BNC2: variants seen among roughly 807,000 people sequenced by gnomAD.
BNC2 encodes zinc finger protein basonuclin-2.
Under a neutral mutation model 76.3 loss-of-function variants are expected in BNC2, and 20 were observed. The ratio of observed to expected loss-of-function variants is 0.26; its 90% CI spans 0.18 to 0.38. BNC2 has a LOEUF of 0.38. BNC2 is among the 10% of genes least tolerant of loss of function. BNC2 has a pLI of 1.00. For missense variants in BNC2, 1,382 were observed against 1,399.8 expected (o/e 0.99, Z 0.20); for synonymous variants, 582 against 514.8 (o/e 1.13, Z -1.77).
chr9:16,605,742 T>C (rs1820364785), intron 3 of BNC2, among the ~76,000 whole-genome samples: 1 of 151,016 alleles, frequency 6.6e-6, no homozygotes, highest in Non-Finnish European at 1.5e-5. Flanking sequence ...GTCTGTGATA[T>C]AATTAGTGAT....
At position 16,417,510 on chromosome 9, in the gene BNC2, A is replaced by G. The variant is rs1230482042; in HGVS notation, c.*1479T>C. 1 of 152,108 alleles carries G rather than the reference A, an allele frequency of 6.6e-6. No homozygotes were observed. The highest frequency in any genetic ancestry group is 2.4e-5 in the African/African-American group (1 of 41,436). The allele number at this position is 152,108 out of a possible 1,614,324, so 9.4% of individuals were successfully genotyped here. Reference sequence around the variant, plus strand: ...GAGTGTTGCTCCATTCAAGTTTAGCACATGTTTTCAAAGCTTCCAAGTACT... The same window carrying G: ...GAGTGTTGCTCCATTCAAGTTTAGCGCATGTTTTCAAAGCTTCCAAGTACT... On this transcript the variant is annotated 3_prime_UTR_variant, in exon 7 of 7. Transcript: ENST00000380672.
intron 2 of BNC2, among the ~76,000 whole-genome samples, chr9:16,735,487 T>C (rs1329511939): frequency 2.0e-5 from 3 of 152,038 alleles, no homozygotes; most frequent in Admixed American, 6.6e-5. Context: ...AAGGTAATGT[T>C]AATTTCTTTG....
At chr9:16,441,831 G>A (rs1424082840) in intron 5 of BNC2, among the ~76,000 whole-genome samples, 1 of 152,100 alleles carries the variant, frequency 6.6e-6, no homozygotes, top group Non-Finnish European at 1.5e-5. Context: ...AGTATAAATT[G>A]TCAAATAAAC....
intron 5 of BNC2, among the ~76,000 whole-genome samples, chr9:16,507,783 A>T (rs544507754): frequency 6.6e-6 from 1 of 152,154 alleles, no homozygotes; most frequent in South Asian, 2.1e-4. Flanking sequence ...GGTCCATAAT[A>T]AACACTTAGT....
chr9:16,830,973 A>T (rs1270354391), intron 1 of BNC2, among the ~76,000 whole-genome samples: 3 of 152,240 alleles, frequency 2.0e-5, no homozygotes, highest in Admixed American at 1.3e-4. Context: ...TGGCTGAATG[A>T]AGCCAGTAAC....
intron 3 of BNC2, among the ~76,000 whole-genome samples, chr9:16,683,445 G>C (rs1412769533): frequency 2.0e-5 from 3 of 152,188 alleles, no homozygotes; most frequent in African/African-American, 4.8e-5. Context: ...AGAATCAAGA[G>C]GCCAAACAGC....
At position 16,646,144 on chromosome 9, in the gene BNC2, G is replaced by T. The variant is rs562691976; in HGVS notation, c.331-63059C>A. ...TTAAGATGTTCTAAACCATCTCAGT[G>T]AACTGGAGGTCACCATTCCTTCTGA... On this transcript the variant is annotated intron_variant, in intron 3 of 6. Transcript: ENST00000380672. Among the ~76,000 whole-genome samples, 8 of 152,296 alleles carry T rather than the reference G, an allele frequency of 5.3e-5. No individual in the cohort carries two copies. The South Asian group carries it at 1.7e-3, about 32-fold the overall frequency.
intron 3 of BNC2, among the ~76,000 whole-genome samples, chr9:16,709,322 G>A (rs944474893): frequency 2.6e-5 from 4 of 152,202 alleles, no homozygotes; most frequent in African/African-American, 9.6e-5. Flanking sequence ...GGAATAACTT[G>A]AATCAGCAAC....
rs188102907 is a variant in BNC2 at position 16,554,785 on chromosome 9, C to T, written c.434-2020G>A. 9.8e-5 allele frequency among the ~76,000 whole-genome samples: 15 copies of T among 152,300 alleles called. 1 individual carries two copies. In the East Asian group the frequency reaches 2.5e-3, roughly 26 times the overall value. The stretch of plus-strand genomic sequence containing the variant: ...ATTTCCCTTCATCAGCTCTCCTCAA[C>T]CGTTTCAGATAGTTCTTTACAAAAC... On this transcript the variant is annotated intron_variant, in intron 4 of 6. Coordinates refer to ENST00000380672, the MANE Select transcript of BNC2 (RefSeq NM_017637.6).
chr9:16,861,709 G>C (rs1819414306), intron 1 of BNC2, among the ~76,000 whole-genome samples: 1 of 152,170 alleles, frequency 6.6e-6, no homozygotes, highest in African/African-American at 2.4e-5. Context: ...AATAACAAGG[G>C]CCAGGCGCGG....
chr9:16,470,183 T>C lies in BNC2; in HGVS notation c.670-32659A>G, dbSNP rs200145099. Among the ~76,000 whole-genome samples, 5 of 151,666 alleles carry C rather than the reference T, an allele frequency of 3.3e-5. No individual in the cohort carries two copies. In the South Asian group the frequency reaches 6.3e-4, roughly 19 times the overall value. On this transcript the variant is annotated intron_variant, in intron 5 of 6. Coordinates refer to ENST00000380672, the MANE Select transcript of BNC2 (RefSeq NM_017637.6). ...CAGCTAATTTTTTATATTTTTAGTATAGATGGGGTTTCATCATGTTAGCCA... is the reference window on the plus strand; with the variant it reads ...CAGCTAATTTTTTATATTTTTAGTACAGATGGGGTTTCATCATGTTAGCCA...
At chr9:16,628,341 T>C (rs1264178837) in intron 3 of BNC2, among the ~76,000 whole-genome samples, 1 of 152,098 alleles carries the variant, frequency 6.6e-6, no homozygotes, top group African/African-American at 2.4e-5. Flanking sequence ...TTAGAGAAAG[T>C]TTCAGAAATT....
chr9:16,455,438 G>A (rs1821426423), intron 5 of BNC2, among the ~76,000 whole-genome samples: 1 of 152,168 alleles, frequency 6.6e-6, no homozygotes, highest in Admixed American at 6.5e-5. Context: ...CAGAGTGGGG[G>A]GAGTAGGGGA....
intron 1 of BNC2, among the ~76,000 whole-genome samples, chr9:16,831,730 CTG>C (rs757157858): frequency 1.3e-5 from 2 of 152,146 alleles, no homozygotes; most frequent in African/African-American, 2.4e-5. Context: ...CCTTAATCTA[CTG>C]TGTGTTTTAA....
intron 1 of BNC2, among the ~76,000 whole-genome samples, chr9:16,772,878 A>C (rs535357548): frequency 1.2e-4 from 19 of 152,290 alleles, no homozygotes; most frequent in Non-Finnish European, 2.2e-4. Flanking sequence ...ACATACAACA[A>C]CACAAGGGAA....
intron 3 of BNC2, among the ~76,000 whole-genome samples, chr9:16,714,338 C>T (rs1354348685): frequency 6.6e-6 from 1 of 152,210 alleles, no homozygotes; most frequent in Non-Finnish European, 1.5e-5. Context: ...TTATTCGCTA[C>T]CTCTTTTACT....
At chr9:16,750,350 A>G (rs9987413) in intron 1 of BNC2, among the ~76,000 whole-genome samples, 130,560 of 152,218 alleles carry the variant, frequency 0.86, 56,457 homozygotes, top group Non-Finnish European at 0.91. Context: ...ATTATGCTCT[A>G]TCTTCAATTC....
At chr9:16,690,988 TG>T (rs1228301715) in intron 3 of BNC2, among the ~76,000 whole-genome samples, 1 of 152,182 alleles carries the variant, frequency 6.6e-6, no homozygotes, top group Non-Finnish European at 1.5e-5. Flanking sequence ...CCCTGGGCTC[TG>T]TGATAGGAGC....
At chr9:16,583,954 G>A (rs1819700071) in intron 3 of BNC2, among the ~76,000 whole-genome samples, 1 of 152,164 alleles carries the variant, frequency 6.6e-6, no homozygotes, top group Non-Finnish European at 1.5e-5. Flanking sequence ...CATAAATGGA[G>A]TGTAACTTTT....
Sources: allele counts gnomAD v4.1 joint callset (sites outside exome capture counted in the v4.1 genomes callset), GRCh38; gene constraint gnomAD v4.1.1; transcripts MANE v1.5; gene names NCBI Gene and HGNC (gene_info 2026-07-23, HGNC 2026-07-21).